The following FLNB variants were observed in gnomAD, a reference collection of about 807,000 sequenced individuals.
The protein encoded by FLNB is filamin-B.
A neutral mutation model predicts 250.6 loss-of-function variants in FLNB; 111 were observed. The ratio of observed to expected loss-of-function variants is 0.44; its 90% CI spans 0.38 to 0.52. FLNB has a LOEUF of 0.52. Ranked by LOEUF, FLNB falls within the 20% of genes least tolerant of loss-of-function variation. The pLI, the probability that FLNB is intolerant of heterozygous loss-of-function variation, is 0.00. For missense variants in FLNB, 2,869 were observed against 3,447.8 expected, an observed-to-expected ratio of 0.83 and a Z score of 4.20; for synonymous variants, 1,302 against 1,372.1, an observed-to-expected ratio of 0.95 and a Z score of 1.13.
At chr3:58,111,533 G>C (rs2097268678) in intron 16 of FLNB, among the ~76,000 whole-genome samples, 1 of 152,098 alleles carries the variant, frequency 6.6e-6, no homozygotes, top group African/African-American at 2.4e-5. Flanking sequence ...TCAACATTCA[G>C]TATTAAAGGC....
rs753099257 is a variant in FLNB at position 58,123,224 on chromosome 3, G to A, written c.3258G>A (p.Glu1086=). ...AAGGTCCGTGCGAGGCCAAAATCGA[G>A]TGCTCCGACAATGGTGATGGGACCT... The part of the protein sequence containing the change: ...TVEGPCEAKI[E]CSDNGDGTCS... The change falls in exon 21 of 46, where the codon GAG becomes GAA. Residue 1086 remains glutamate (E), a synonymous_variant. Transcript: ENST00000295956. 7.4e-6 allele frequency: 12 copies of A among 1,614,110 alleles called. No homozygotes were observed. The Admixed American group carries it at 2.0e-4, about 27-fold the overall frequency.
intron 16 of FLNB, among the ~76,000 whole-genome samples, chr3:58,111,464 C>A (rs2097268548): frequency 6.6e-6 from 1 of 152,128 alleles, no homozygotes; most frequent in South Asian, 2.1e-4. Flanking sequence ...CTTCCCCCAG[C>A]CCCATGTATT....
chr3:58,036,258 A>C (rs550954050), intron 1 of FLNB, among the ~76,000 whole-genome samples: 1 of 152,314 alleles, frequency 6.6e-6, no homozygotes, highest in East Asian at 1.9e-4. Context: ...CTGATTTATC[A>C]AGACAGAGGA....
chr3:58,030,577 C>T (rs996980700), intron 1 of FLNB, among the ~76,000 whole-genome samples: 1 of 151,112 alleles, frequency 6.6e-6, no homozygotes, highest in Non-Finnish European at 1.5e-5. Flanking sequence ...AGACTCCTAT[C>T]AGGAATCTAG....
At chr3:58,112,371 T>A (rs1576739307) in intron 18 of FLNB, 53 bp downstream of exon 18, 1 of 1,560,218 alleles carries the variant, frequency 6.4e-7, no homozygotes, top group Non-Finnish European at 8.8e-7. Flanking sequence ...CCCCTTTCTA[T>A]GCAGTCGGTG....
rs368468924 is a variant in FLNB at position 58,111,778 on chromosome 3, G to A, written c.2485-13G>A. On this transcript the variant is annotated splice_polypyrimidine_tract_variant and intron_variant, in intron 16 of 45. Coordinates refer to ENST00000295956, the MANE Select transcript of FLNB (RefSeq NM_001457.4). ...TCAGGGGCTTTCCTACTAAGACTGT[G>A]TCTCTGCTACAGGAAATCCCCGCCA... 10 of 1,606,526 alleles carry A rather than the reference G, an allele frequency of 6.2e-6. No individual in the cohort carries two copies. In the African/African-American group the frequency reaches 1.2e-4, roughly 19 times the overall value.
At chr3:58,118,796 G>A in intron 18 of FLNB, 76 bp from the exon 19 acceptor site, 1 of 987,012 alleles carries the variant, frequency 1.0e-6, no homozygotes, top group South Asian at 1.3e-5. Context: ...AAGAATGAGG[G>A]ATCTTGAGGG....
intron 3 of FLNB, among the ~76,000 whole-genome samples, chr3:58,079,414 G>A (rs1348694370): frequency 6.6e-6 from 1 of 152,010 alleles, no homozygotes; most frequent in South Asian, 2.1e-4. Flanking sequence ...CACCACACCT[G>A]GCTAATTTTT....
At chr3:58,151,535 C>G (rs2097344997) in intron 38 of FLNB, 2 of 152,172 alleles carry the variant, frequency 1.3e-5, no homozygotes, top group African/African-American at 4.8e-5. Flanking sequence ...ACCCTGGCTG[C>G]CCCATCCTCA....
chr3:58,084,338 A>G (rs564102518), intron 4 of FLNB, among the ~76,000 whole-genome samples: 3 of 152,322 alleles, frequency 2.0e-5, no homozygotes, highest in Admixed American at 2.0e-4. Flanking sequence ...AGATTGGTCA[A>G]ATGGACTGAA....
At chr3:58,162,163 G>C (rs1188514805) in intron 42 of FLNB, among the ~76,000 whole-genome samples, 1 of 152,186 alleles carries the variant, frequency 6.6e-6, no homozygotes, top group Non-Finnish European at 1.5e-5. Flanking sequence ...TCATGGAGGT[G>C]CACCTCTGTG....
chr3:58,042,160 T>C (rs1456433070), intron 1 of FLNB, among the ~76,000 whole-genome samples: 3 of 152,114 alleles, frequency 2.0e-5, no homozygotes, highest in Non-Finnish European at 4.4e-5. Context: ...TCCTGAACAA[T>C]TGGTGATTCA....
intron 1 of FLNB, among the ~76,000 whole-genome samples, chr3:58,031,443 T>C (rs571098078): frequency 1.3e-5 from 2 of 150,760 alleles, no homozygotes; most frequent in South Asian, 2.1e-4. Flanking sequence ...GGGGTTTCAC[T>C]GTGTTAGCCA....
rs764967982 is a variant in FLNB, at chr3:58,104,014, C to T, written c.1539C>T (p.Phe513=). ...QKDFLDGVYA[F]EYYPSTPGRY... ...ACTTTCTGGATGGGGTCTACGCATT[C>T]GAGTATTACCCCAGCACCCCGGGGA... Residue 513 remains phenylalanine, a synonymous_variant, in exon 10 of 46, where the codon TTC becomes TTT. Transcript: ENST00000295956. The T allele has an allele frequency of 7.4e-6, 12 of 1,613,530 alleles. No homozygotes were observed. Among genetic ancestry groups the T allele is most frequent in the Admixed American group, 1.7e-5 (1 of 59,982 alleles).
chr3:58,085,986 T>G (rs961130925), intron 4 of FLNB, among the ~76,000 whole-genome samples: 2 of 152,146 alleles, frequency 1.3e-5, no homozygotes, highest in African/African-American at 4.8e-5. Flanking sequence ...GTTTATTTAC[T>G]TACTTATTTT....
chr3:58,163,343 T>TCTTAGGTAACCCA lies in FLNB; in HGVS notation c.7198+15_7198+16insTAGGTAACCCACT. On this transcript the variant is annotated intron_variant, in intron 43 of 45. Transcript: ENST00000295956. ...GGGGGCACCACAGGTAACCCACTCT[T>TCTTAGGTAACCCA]CTGCTTCTTGAAGCCTTAACTGAAC... The TCTTAGGTAACCCA allele has an allele frequency of 6.2e-7, 1 of 1,613,778 alleles. No individual in the cohort carries two copies. Among genetic ancestry groups the TCTTAGGTAACCCA allele is most frequent in the Non-Finnish European group, 8.5e-7 (1 of 1,179,798 alleles).
At chr3:58,010,928 C>T (rs9845855) in intron 1 of FLNB, among the ~76,000 whole-genome samples, 3,067 of 152,162 alleles carry the variant, frequency 0.02, 94 homozygotes, top group African/African-American at 0.069. Context: ...ACCACCGCCC[C>T]GCCTGGAGAT....
chr3:58,030,530 T>C (rs1283424850), intron 1 of FLNB, among the ~76,000 whole-genome samples: 1 of 152,088 alleles, frequency 6.6e-6, no homozygotes, highest in African/African-American at 2.4e-5. Flanking sequence ...GTCGCTTCTT[T>C]TGAGGCCCAT....
At chr3:58,054,628 TTG>T (rs2097167523) in intron 1 of FLNB, among the ~76,000 whole-genome samples, 1 of 152,120 alleles carries the variant, frequency 6.6e-6, no homozygotes, top group Non-Finnish European at 1.5e-5. Flanking sequence ...CCATCAGATC[TTG>T]TGAGAACAGC....
Sources: gnomAD v4.1 joint callset for allele counts (sites outside exome capture counted in the v4.1 genomes callset) on GRCh38, gnomAD v4.1.1 for gene constraint, MANE v1.5 for transcripts, NCBI Gene and HGNC (gene_info 2026-07-23, HGNC 2026-07-21) for gene names.